The following STXBP5 variants were observed in gnomAD, a reference collection of about 807,000 sequenced individuals.
STXBP5 encodes syntaxin-binding protein 5.
A neutral mutation model predicts 152.4 loss-of-function variants in STXBP5; 50 were observed. That is an observed-to-expected ratio of 0.33 (90% confidence interval 0.26 to 0.42). STXBP5 has a LOEUF of 0.42. Among genes scored for constraint, STXBP5 ranks in the 10% least tolerant of loss-of-function variants. The pLI is 1.00. For missense variants in STXBP5, 1,167 were observed against 1,388.6 expected, an observed-to-expected ratio of 0.84 and a Z score of 2.54; for synonymous variants, 492 against 494.7, an observed-to-expected ratio of 0.99 and a Z score of 0.07.
chr6:147,351,444 G>C (rs886584702), intron 21 of STXBP5, among the ~76,000 whole-genome samples: 11 of 152,010 alleles, frequency 7.2e-5, no homozygotes, highest in African/African-American at 1.9e-4. Flanking sequence ...TATCAGTCTA[G>C]GTATATTGCA....
In STXBP5 at chr6:147,204,660, C is replaced by A; in HGVS notation, c.128C>A (p.Ser43Tyr). 6.2e-7 allele frequency: 1 copy of A among 1,608,308 alleles called. No homozygotes were observed. The highest frequency in any genetic ancestry group is 1.1e-5 in the South Asian group (1 of 90,720). Residue 43 changes from serine (S) to tyrosine (Y), a missense_variant, in exon 1 of 28, where the codon TCC becomes TAC. Around this residue, in one of 3 missense-constraint regions of STXBP5, gnomAD observed 310 missense variants for 346.1 expected, o/e 0.90. Transcript: ENST00000321680. The surrounding 1 kb of genome is among the most constrained non-coding windows in gnomAD (Gnocchi z 4.3). ...CCGGAGATCCAGGAAACGCTCCAGT[C>A]CGAGCACTTTCAGCTCTGCAAGGTG... ...REPEIQETLQ[S>Y]EHFQLCKTVR...
At chr6:147,297,552 C>T (rs772561734) in intron 9 of STXBP5, among the ~76,000 whole-genome samples, 19 of 152,098 alleles carry the variant, frequency 1.2e-4, no homozygotes, top group South Asian at 8.3e-4. Context: ...TAATCAAACT[C>T]GTAATACTAC....
intron 2 of STXBP5, among the ~76,000 whole-genome samples, chr6:147,216,333 C>T (rs1455997759): frequency 2.0e-5 from 3 of 151,914 alleles, no homozygotes; most frequent in African/African-American, 4.8e-5. Context: ...CGGAGGTTGC[C>T]GTGAGCTGAG....
At position 147,367,841 on chromosome 6, in the gene STXBP5, A is replaced by G. The variant is rs192182750; in HGVS notation, c.3081+3675A>G. Among the ~76,000 whole-genome samples the G allele has an allele frequency of 1.8e-4, 28 of 152,280 alleles. 1 individual carries two copies. The Middle Eastern group carries it at 0.017, about 92-fold the overall frequency. Reference sequence around the variant, plus strand: ...GTAATAAGAGAAGTCTCATTACTATATATTCTATAGATATGAAATGGATAA... The same window carrying G: ...GTAATAAGAGAAGTCTCATTACTATGTATTCTATAGATATGAAATGGATAA... On this transcript the variant is annotated intron_variant, in intron 25 of 27. Coordinates refer to ENST00000321680, the MANE Select transcript of STXBP5 (RefSeq NM_001127715.4).
rs936311905 is a variant in STXBP5, at chr6:147,389,155, T to C, written c.*4400T>C. The C allele has an allele frequency of 6.6e-6, 1 of 151,736 alleles. No individual in the cohort carries two copies. The highest frequency in any genetic ancestry group is 1.5e-5 in the Non-Finnish European group (1 of 67,720). 9.4% of individuals were successfully genotyped at this position (151,736 alleles called of 1,614,324 possible). ...GATACTGTTTACAGCTTTTGTTAATTGCACTTTTCATCACTCTGATCAATT... is the reference window on the plus strand; with the variant it reads ...GATACTGTTTACAGCTTTTGTTAATCGCACTTTTCATCACTCTGATCAATT... On this transcript the variant is annotated 3_prime_UTR_variant, in exon 28 of 28. Transcript: ENST00000321680.
chr6:147,373,716 GT>G lies in STXBP5; in HGVS notation c.3082-11del. 1 of 1,595,248 alleles carries G rather than the reference GT, an allele frequency of 6.3e-7. No homozygotes were observed. Among genetic ancestry groups the G allele is most frequent in the Non-Finnish European group, 8.6e-7 (1 of 1,163,942 alleles). ...CCTGAAATTTCAACAGTGACAATTT[GT>G]TTTGATTTTAAAGGAAATGTTGGGT... On this transcript the variant is annotated splice_polypyrimidine_tract_variant and intron_variant, in intron 25 of 27. Coordinates refer to ENST00000321680, the MANE Select transcript of STXBP5 (RefSeq NM_001127715.4).
At chr6:147,303,414 T>C (rs1206514543) in intron 9 of STXBP5, among the ~76,000 whole-genome samples, 2 of 152,214 alleles carry the variant, frequency 1.3e-5, no homozygotes, top group Non-Finnish European at 2.9e-5. Flanking sequence ...GTAAGTTCCC[T>C]GAGGCCTCCC....
intron 26 of STXBP5, among the ~76,000 whole-genome samples, chr6:147,382,109 G>T (rs937632489): frequency 2.0e-5 from 3 of 152,126 alleles, no homozygotes; most frequent in African/African-American, 7.2e-5. Flanking sequence ...AGCCTTTAAA[G>T]AATTTAAGAC....
chr6:147,329,561 G>A (rs192416199), intron 18 of STXBP5, among the ~76,000 whole-genome samples: 349 of 130,534 alleles, frequency 2.7e-3, no homozygotes, highest in African/African-American at 9.2e-3. Context: ...CCTAACACAT[G>A]TATTTTATAA....
At chr6:147,313,739 C>T (rs1343064131) in intron 11 of STXBP5, 145 bp from the exon 12 acceptor site, 1 of 554,384 alleles carries the variant, frequency 1.8e-6, no homozygotes, top group Non-Finnish European at 2.8e-6. Context: ...TTATAAAAGA[C>T]TTCCATTTTT....
chr6:147,300,636 C>CTGCT (rs1781760232), intron 9 of STXBP5, among the ~76,000 whole-genome samples: 1 of 151,986 alleles, frequency 6.6e-6, no homozygotes, highest in Non-Finnish European at 1.5e-5. Context: ...CTCCTTTCAC[C>CTGCT]AAACACAAAA....
chr6:147,222,737 C>CT (rs1252814697), intron 2 of STXBP5, among the ~76,000 whole-genome samples: 4 of 152,212 alleles, frequency 2.6e-5, no homozygotes, highest in Non-Finnish European at 5.9e-5. Flanking sequence ...CTTCCCTCTG[C>CT]TGGTAGCATG....
intron 26 of STXBP5, 65 bp downstream of exon 26, chr6:147,373,907 T>G: frequency 8.8e-7 from 1 of 1,141,936 alleles, no homozygotes; most frequent in Non-Finnish European, 1.3e-6. Flanking sequence ...ACAAAAATTT[T>G]TTTATACGTG....
intron 21 of STXBP5, among the ~76,000 whole-genome samples, chr6:147,352,529 T>C (rs1336314776): frequency 1.3e-5 from 2 of 152,158 alleles, no homozygotes; most frequent in Non-Finnish European, 2.9e-5. Context: ...GAGAATCCCT[T>C]GACCCTGAGA....
At position 147,310,866 on chromosome 6, in the gene STXBP5, A is replaced by G. The variant is rs114198840; in HGVS notation, c.1073-589A>G. On this transcript the variant is annotated intron_variant, in intron 10 of 27. Transcript: ENST00000321680. ...ATGCTAATCACATCTGAATATATGT[A>G]TATATATGTATATTTTTTTTTCACA... Among the ~76,000 whole-genome samples, 1,300 of 152,198 alleles carry G rather than the reference A, an allele frequency of 8.5e-3. 15 individuals are homozygous for G. Among genetic ancestry groups the G allele is most frequent in the African/African-American group, 0.028 (1,156 of 41,528 alleles).
chr6:147,364,729 A>G (rs886974477), intron 25 of STXBP5, among the ~76,000 whole-genome samples: 3 of 152,208 alleles, frequency 2.0e-5, no homozygotes, highest in African/African-American at 2.4e-5. Flanking sequence ...CGAAGTGATC[A>G]GTTTAGCTTT....
At chr6:147,276,783 A>T (rs1264808369) in intron 7 of STXBP5, among the ~76,000 whole-genome samples, 1 of 152,110 alleles carries the variant, frequency 6.6e-6, no homozygotes, top group African/African-American at 2.4e-5. Context: ...TTTGTAAGAG[A>T]TGCAGATGGT....
At position 147,359,214 on chromosome 6, in the gene STXBP5, C is replaced by G. The variant is rs776014934; in HGVS notation, c.2436C>G (p.Ser812=). ...CTCGAAAGACGGACTCGTCCCCTTC[C>G]CCTTGTCTATGGGTTGGAACAACGC... ...TFTRKTDSSP[S]PCLWVGTTLG... The change falls in exon 23 of 28, where the codon TCC becomes TCG. Residue 812 remains serine (S), a synonymous_variant. Coordinates refer to ENST00000321680, the MANE Select transcript of STXBP5 (RefSeq NM_001127715.4). The G allele has an allele frequency of 6.2e-7, 1 of 1,613,948 alleles. No homozygotes were observed. The highest frequency in any genetic ancestry group is 2.2e-5 in the East Asian group (1 of 44,874).
intron 25 of STXBP5, 97 bp from the exon 26 acceptor site, chr6:147,373,634 T>C: frequency 2.5e-6 from 2 of 794,842 alleles, no homozygotes; most frequent in Non-Finnish European, 4.3e-6. Flanking sequence ...CAGGTAATGT[T>C]CTGAGCTTAA....
Sources: gnomAD v4.1 joint callset for allele counts (sites outside exome capture counted in the v4.1 genomes callset) on GRCh38, gnomAD v4.1.1 for gene constraint, gnomAD v4.1.1 regional missense constraint, Gnocchi (gnomAD v3.1) non-coding constraint, MANE v1.5 for transcripts, NCBI Gene and HGNC (gene_info 2026-07-23, HGNC 2026-07-21) for gene names.